The following ANKRD12 variants were observed in gnomAD, a reference collection of about 807,000 sequenced individuals.
ANKRD12 encodes ankyrin repeat domain-containing protein 12.
In ANKRD12, 85 loss-of-function variants were observed where a neutral mutation model predicts 183.4. The ratio of observed to expected loss-of-function variants is 0.46; its 90% CI spans 0.39 to 0.56. ANKRD12 has a LOEUF of 0.56. Among genes scored for constraint, ANKRD12 ranks in the 20% least tolerant of loss-of-function variants. The pLI is 0.00. For synonymous variants in ANKRD12, 914 were observed against 800.2 expected (o/e 1.14, Z -2.40); for missense variants, 2,405 against 2,357.1 (o/e 1.02, Z -0.42).
chr18:9,204,560 G>T lies in ANKRD12; in HGVS notation c.304+16G>T. The T allele has an allele frequency of 6.5e-7, 1 of 1,542,442 alleles. No individual in the cohort carries two copies. Among genetic ancestry groups the T allele is most frequent in the Non-Finnish European group, 8.8e-7 (1 of 1,134,508 alleles). On this transcript the variant is annotated intron_variant, in intron 4 of 12. Transcript: ENST00000262126. ...ACATACTCAGGTAATTAGATTATCA[G>T]GTGTTCCTGTTTAGCCAGTGGTTTC...
intron 6 of ANKRD12, among the ~76,000 whole-genome samples, chr18:9,214,766 G>A (rs1346422812): frequency 6.6e-6 from 1 of 152,092 alleles, no homozygotes; most frequent in African/African-American, 2.4e-5. Flanking sequence ...AGGACCAGTG[G>A]AAAAAAGGAA....
chr18:9,257,501 G>A lies in ANKRD12; in HGVS notation c.4234G>A (p.Gly1412Ser), dbSNP rs963539853. The change falls in exon 9 of 13, where the codon GGT (glycine) becomes AGT (serine). Residue 1412 changes from glycine (G) to serine (S), a missense_variant. By Grantham distance (56) the Gly-to-Ser change is moderately conservative. Around this residue, in one of 7 missense-constraint regions of ANKRD12, gnomAD observed 1,983 missense variants for 1,725.9 expected, o/e 1.15. Transcript: ENST00000262126. ...PVHLEPSSQV[G>S]VIQNKSWEMP... ...GCATTTAGAGCCATCTAGTCAGGTT[G>A]GTGTGATCCAGAATAAATCATGGGA... is the stretch of plus-strand genomic sequence containing the variant. The A allele has an allele frequency of 1.4e-5, 22 of 1,613,890 alleles. No individual in the cohort carries two copies. Among genetic ancestry groups the A allele is most frequent in the Non-Finnish European group, 1.8e-5 (21 of 1,179,990 alleles).
intron 11 of ANKRD12, among the ~76,000 whole-genome samples, chr18:9,279,174 C>G (rs1598793758): frequency 6.6e-6 from 1 of 152,290 alleles, no homozygotes; most frequent in Non-Finnish European, 1.5e-5. Flanking sequence ...CTCTCTCCCA[C>G]CTGGATACTT....
chr18:9,188,199 C>CA (rs1225198998), intron 2 of ANKRD12, among the ~76,000 whole-genome samples: 3 of 152,192 alleles, frequency 2.0e-5, no homozygotes, highest in African/African-American at 7.2e-5. Context: ...TCGCTTCTCA[C>CA]AAGGGGGATG....
chr18:9,172,489 T>C (rs1307467871), intron 1 of ANKRD12, among the ~76,000 whole-genome samples: 1 of 152,200 alleles, frequency 6.6e-6, no homozygotes, highest in Non-Finnish European at 1.5e-5. Flanking sequence ...GCCCTGAGAT[T>C]CTTTTCTCTG....
In ANKRD12 at chr18:9,258,321, A is replaced by G; in HGVS notation, c.5054A>G (p.Glu1685Gly). 6.2e-7 allele frequency: 1 copy of G among 1,613,820 alleles called. No homozygotes were observed. Among genetic ancestry groups the G allele is most frequent in the Non-Finnish European group, 8.5e-7 (1 of 1,179,948 alleles). ...AAGTGTTTGCTTTCCATAGAAGATG[A>G]GGAATCTCAACAAAGCATTTTATCA... ...SEKCLLSIEDEESQQSILSSL... is the reference protein window; with the variant it reads ...SEKCLLSIEDGESQQSILSSL... The change falls in exon 9 of 13, where the codon GAG (glutamate) becomes GGG (glycine). Residue 1685 changes from glutamate (E) to glycine (G), a missense_variant. Physicochemically the swap from Glu to Gly is moderately conservative, Grantham distance 98. Coordinates refer to ENST00000262126, the MANE Select transcript of ANKRD12 (RefSeq NM_015208.5).
intron 2 of ANKRD12, among the ~76,000 whole-genome samples, chr18:9,192,685 A>G (rs376902851): frequency 4.1e-5 from 6 of 147,494 alleles, no homozygotes; most frequent in East Asian, 4.0e-4. Context: ...ACATTTCACT[A>G]TGGATTTATC....
intron 8 of ANKRD12, among the ~76,000 whole-genome samples, chr18:9,248,354 A>G (rs2038087254): frequency 1.3e-5 from 2 of 152,358 alleles, no homozygotes; most frequent in African/African-American, 4.8e-5. Flanking sequence ...AATCATTTAC[A>G]TAACAATTTT....
At chr18:9,142,136 T>G (rs1293021457) in intron 1 of ANKRD12, among the ~76,000 whole-genome samples, 1 of 152,216 alleles carries the variant, frequency 6.6e-6, no homozygotes. Context: ...AGATTGTTAC[T>G]CCTACATAGG....
At chr18:9,275,775 G>A in intron 11 of ANKRD12, 108 bp downstream of exon 11, 1 of 1,144,418 alleles carries the variant, frequency 8.7e-7, no homozygotes, top group Non-Finnish European at 1.2e-6. Context: ...AATCATTAAA[G>A]GTCAAAGAAG....
At chr18:9,252,556 C>T (rs1293542748) in intron 8 of ANKRD12, among the ~76,000 whole-genome samples, 1 of 152,050 alleles carries the variant, frequency 6.6e-6, no homozygotes, top group Non-Finnish European at 1.5e-5. Context: ...TTAAAAGAAC[C>T]ATTAGAAAAA....
chr18:9,147,498 A>T (rs1010883474), intron 1 of ANKRD12, among the ~76,000 whole-genome samples: 1 of 152,182 alleles, frequency 6.6e-6, no homozygotes, highest in Non-Finnish European at 1.5e-5. Flanking sequence ...AGGTACAAAA[A>T]ATAGCATGAT....
intron 7 of ANKRD12, 114 bp from the exon 8 acceptor site, chr18:9,221,738 A>G (rs1027651446): frequency 3.9e-6 from 4 of 1,029,494 alleles, no homozygotes; most frequent in Non-Finnish European, 4.2e-6. Context: ...TGAGGAATGG[A>G]TGCAGAGTAA....
chr18:9,220,312 G>C lies in ANKRD12; in HGVS notation c.796-1540G>C, dbSNP rs148319347. ...AGTTATGTCCTCGAAATACAGAGATGAATAGAGACTTGATTTTATATGAAG... is the reference window on the plus strand; with the variant it reads ...AGTTATGTCCTCGAAATACAGAGATCAATAGAGACTTGATTTTATATGAAG... On this transcript the variant is annotated intron_variant, in intron 7 of 12. Transcript: ENST00000262126. Among the ~76,000 whole-genome samples the C allele has an allele frequency of 6.3e-3, 962 of 152,280 alleles. 7 individuals are homozygous for C. The highest frequency in any genetic ancestry group is 0.017 in the Middle Eastern group (5 of 294).
At chr18:9,225,504 A>T (rs1428804262) in intron 8 of ANKRD12, among the ~76,000 whole-genome samples, 4 of 151,882 alleles carry the variant, frequency 2.6e-5, no homozygotes, top group Non-Finnish European at 5.9e-5. Context: ...TCAAATATAT[A>T]CATTTGAGAT....
intron 4 of ANKRD12, among the ~76,000 whole-genome samples, chr18:9,204,988 T>TTTTA (rs2035396567): frequency 6.6e-6 from 1 of 152,258 alleles, no homozygotes; most frequent in Admixed American, 6.5e-5. Context: ...AAAACACATT[T>TTTTA]AATACAATTT....
chr18:9,219,075 A>G (rs2036274480), intron 7 of ANKRD12, among the ~76,000 whole-genome samples: 1 of 152,170 alleles, frequency 6.6e-6, no homozygotes, highest in African/African-American at 2.4e-5. Context: ...GTTTTAAGCA[A>G]CTTTAAGAAC....
At chr18:9,174,563 G>A (rs1182391625) in intron 1 of ANKRD12, among the ~76,000 whole-genome samples, 1 of 152,198 alleles carries the variant, frequency 6.6e-6, no homozygotes, top group Non-Finnish European at 1.5e-5. Flanking sequence ...TTTCCTGAGT[G>A]GGGTTACACA....
chr18:9,141,217 TG>T (rs398120162), intron 1 of ANKRD12, among the ~76,000 whole-genome samples: 4 of 7,934 alleles, frequency 5.0e-4, no homozygotes, highest in African/African-American at 1.2e-3. Flanking sequence ...CTTGTTGCTG[TG>T]GTGGTGGTGG....
Sources: allele counts gnomAD v4.1 joint callset (sites outside exome capture counted in the v4.1 genomes callset), GRCh38; gene constraint gnomAD v4.1.1; regional missense constraint gnomAD v4.1.1; transcripts MANE v1.5; gene names NCBI Gene and HGNC (gene_info 2026-07-23, HGNC 2026-07-21).